ADAM22: variants seen among roughly 807,000 people sequenced by gnomAD.
ADAM22 encodes ADAM metallopeptidase domain 22, also known as disintegrin and metalloproteinase domain-containing protein 22.
In ADAM22, 65 loss-of-function variants were observed where a neutral mutation model predicts 144.6. The observed-to-expected ratio is 0.45, with a 90% CI of 0.37 to 0.55. The LOEUF (loss-of-function observed/expected upper bound fraction) is 0.55. Among genes scored for constraint, ADAM22 ranks in the 20% least tolerant of loss-of-function variants. ADAM22 has a pLI of 0.00. For synonymous variants in ADAM22, 391 were observed against 412.6 expected, an observed-to-expected ratio of 0.95 and a Z score of 0.63; for missense variants, 974 against 1,184.9, an observed-to-expected ratio of 0.82 and a Z score of 2.61.
At chr7:88,000,014 A>C (rs1283768540) in intron 3 of ADAM22, among the ~76,000 whole-genome samples, 2 of 152,072 alleles carry the variant, frequency 1.3e-5, no homozygotes, top group African/African-American at 4.8e-5. Context: ...ATTATTTGCC[A>C]TAAAATTCCA....
chr7:88,176,209 G>A (rs903230193), intron 26 of ADAM22, among the ~76,000 whole-genome samples: 7 of 152,142 alleles, frequency 4.6e-5, no homozygotes, highest in African/African-American at 1.4e-4. Flanking sequence ...TCCTGACCTC[G>A]TGATCCGCCC....
At chr7:88,156,121 G>A (rs1490233366) in intron 22 of ADAM22, 115 bp downstream of exon 22, 2 of 1,129,298 alleles carry the variant, frequency 1.8e-6, no homozygotes, top group Non-Finnish European at 2.5e-6. Flanking sequence ...ATATAATCTA[G>A]TCTATAGAGA....
intron 2 of ADAM22, among the ~76,000 whole-genome samples, chr7:87,957,422 C>G (rs1347083598): frequency 6.6e-6 from 1 of 152,042 alleles, no homozygotes; most frequent in Non-Finnish European, 1.5e-5. Flanking sequence ...TACATACCAC[C>G]CAGAATGAAC....
chr7:88,151,529 C>T (rs957550653), intron 20 of ADAM22, among the ~76,000 whole-genome samples: 1 of 152,156 alleles, frequency 6.6e-6, no homozygotes, highest in Non-Finnish European at 1.5e-5. Flanking sequence ...GTTGGCAGTG[C>T]CTGTGGACGA....
At chr7:88,091,805 C>T (rs1819934090) in intron 4 of ADAM22, among the ~76,000 whole-genome samples, 1 of 152,132 alleles carries the variant, frequency 6.6e-6, no homozygotes, top group South Asian at 2.1e-4. Flanking sequence ...TACAGCCCTT[C>T]TACAATTTAC....
chr7:88,029,787 A>G (rs553723894), intron 3 of ADAM22, among the ~76,000 whole-genome samples: 3 of 152,128 alleles, frequency 2.0e-5, no homozygotes, highest in East Asian at 1.9e-4. Flanking sequence ...AGAGTTTTAA[A>G]TATGTCATGC....
At chr7:87,945,720 G>A in intron 2 of ADAM22, among the ~76,000 whole-genome samples, 1 of 151,750 alleles carries the variant, frequency 6.6e-6, no homozygotes, top group East Asian at 1.9e-4. Context: ...TCACCTTCTT[G>A]GCCAGGCTGG....
chr7:88,047,997 T>C (rs1805135006), intron 3 of ADAM22, among the ~76,000 whole-genome samples: 1 of 152,132 alleles, frequency 6.6e-6, no homozygotes, highest in Non-Finnish European at 1.5e-5. Flanking sequence ...AATGGAAGTT[T>C]CTTGAACTTC....
chr7:88,117,474 C>T (rs1379023465), intron 7 of ADAM22, among the ~76,000 whole-genome samples: 1 of 152,102 alleles, frequency 6.6e-6, no homozygotes, highest in Non-Finnish European at 1.5e-5. Context: ...TTGAGAGTCG[C>T]TTCCAAGTCT....
intron 4 of ADAM22, among the ~76,000 whole-genome samples, chr7:88,099,433 A>G (rs1340310142): frequency 1.3e-5 from 2 of 152,170 alleles, no homozygotes; most frequent in Non-Finnish European, 2.9e-5. Context: ...GTGTTACAAC[A>G]AAGAAATTCC....
At chr7:88,164,275 G>C (rs1172427411) in intron 23 of ADAM22, among the ~76,000 whole-genome samples, 1 of 151,988 alleles carries the variant, frequency 6.6e-6, no homozygotes, top group Non-Finnish European at 1.5e-5. Flanking sequence ...CAAAACACAA[G>C]AGACCAAACA....
At chr7:87,970,233 T>A (rs1850107636) in intron 2 of ADAM22, among the ~76,000 whole-genome samples, 1 of 150,536 alleles carries the variant, frequency 6.6e-6, no homozygotes, top group Non-Finnish European at 1.5e-5. Context: ...AGGGATCATA[T>A]ATACAAGCCA....
At chr7:88,008,674 C>T (rs935027468) in intron 3 of ADAM22, among the ~76,000 whole-genome samples, 4 of 151,770 alleles carry the variant, frequency 2.6e-5, no homozygotes, top group African/African-American at 9.7e-5. Flanking sequence ...ACCACATGTT[C>T]TCACTCATAG....
intron 2 of ADAM22, among the ~76,000 whole-genome samples, chr7:87,954,511 T>A (rs759878645): frequency 2.2e-4 from 34 of 152,242 alleles, no homozygotes; most frequent in Non-Finnish European, 4.3e-4. Flanking sequence ...CTGAGAGATC[T>A]GCTGTTAGTC....
At chr7:87,978,228 T>G (rs1419137573) in intron 2 of ADAM22, 108 bp from the exon 3 acceptor site, 1 of 860,094 alleles carries the variant, frequency 1.2e-6, no homozygotes, top group African/African-American at 1.7e-5. Context: ...CCATGTTGAA[T>G]TATTTTCTTA....
At chr7:87,958,773 C>T (rs1847385037) in intron 2 of ADAM22, among the ~76,000 whole-genome samples, 1 of 152,100 alleles carries the variant, frequency 6.6e-6, no homozygotes, top group South Asian at 2.1e-4. Context: ...AGGTAGAGCA[C>T]CTTTGGTGAT....
At chr7:87,943,708 A>G (rs1406496567) in intron 2 of ADAM22, among the ~76,000 whole-genome samples, 1 of 152,228 alleles carries the variant, frequency 6.6e-6, no homozygotes, top group African/African-American at 2.4e-5. Flanking sequence ...ACCATGATCC[A>G]GAAATATCAG....
chr7:88,072,888 T>C (rs1813192246), intron 3 of ADAM22, among the ~76,000 whole-genome samples: 1 of 152,218 alleles, frequency 6.6e-6, no homozygotes. Flanking sequence ...CAGGGTGTGA[T>C]GTGGATGCTG....
chr7:87,951,941 T>G (rs1377088504), intron 2 of ADAM22, among the ~76,000 whole-genome samples: 1 of 146,282 alleles, frequency 6.8e-6, no homozygotes, highest in Non-Finnish European at 1.5e-5. Context: ...GGCTCTCTGT[T>G]TGTCTGTTAT....
Sources: gnomAD v4.1 joint callset for allele counts (sites outside exome capture counted in the v4.1 genomes callset) on GRCh38, gnomAD v4.1.1 for gene constraint, MANE v1.5 for transcripts, NCBI Gene and HGNC (gene_info 2026-07-23, HGNC 2026-07-21) for gene names.